Variants in SHANK2 observed in about 807,000 individuals in gnomAD.
SHANK2 encodes the protein SH3 and multiple ankyrin repeat domains 2.
Under a neutral mutation model 133.7 loss-of-function variants are expected in SHANK2, and 43 were observed. The observed-to-expected ratio is 0.32, with a 90% CI of 0.25 to 0.41. The LOEUF is 0.41. Ranked by LOEUF, SHANK2 falls within the 10% of genes least tolerant of loss-of-function variation. The pLI is 1.00. For synonymous variants in SHANK2, 1,017 were observed against 952.8 expected (o/e 1.07, Z -1.24); for missense variants, 1,994 against 2,235.8 (o/e 0.89, Z 2.18).
chr11:70,834,544 T>C (rs1185837623), intron 11 of SHANK2, among the ~76,000 whole-genome samples: 1 of 152,204 alleles, frequency 6.6e-6, no homozygotes, highest in East Asian at 1.9e-4. Context: ...AGCGGGATTC[T>C]TCCTGCCCAT....
At chr11:70,752,107 G>T (rs579818) in intron 14 of SHANK2, among the ~76,000 whole-genome samples, 82,708 of 151,910 alleles carry the variant, frequency 0.54, 22,960 homozygotes, top group African/African-American at 0.66. Context: ...TATTTAAAAA[G>T]TTGACTTCTT....
At chr11:70,512,492 G>A (rs1189406222) in intron 17 of SHANK2, among the ~76,000 whole-genome samples, 1 of 152,108 alleles carries the variant, frequency 6.6e-6, no homozygotes, top group Non-Finnish European at 1.5e-5. Flanking sequence ...ATCTTTTCCT[G>A]TACATTTTGT....
intron 25 of SHANK2, among the ~76,000 whole-genome samples, chr11:70,482,218 G>C: frequency 6.6e-6 from 1 of 152,230 alleles, no homozygotes; most frequent in East Asian, 1.9e-4. Context: ...CCTTGGCCGG[G>C]AGCAAGAAGG....
intron 2 of SHANK2, among the ~76,000 whole-genome samples, chr11:71,208,633 C>A (rs887858065): frequency 3.3e-5 from 5 of 151,950 alleles, no homozygotes; most frequent in African/African-American, 1.2e-4. Context: ...GGGAGACCAA[C>A]GAGCAGTCTC....
At chr11:70,671,327 C>T (rs1944802538) in intron 15 of SHANK2, among the ~76,000 whole-genome samples, 1 of 152,092 alleles carries the variant, frequency 6.6e-6, no homozygotes, top group Non-Finnish European at 1.5e-5. Flanking sequence ...GCTGAGCACC[C>T]CGGTGGAACC....
chr11:70,809,152 C>T (rs1197947003), intron 12 of SHANK2, among the ~76,000 whole-genome samples: 4 of 152,216 alleles, frequency 2.6e-5, no homozygotes, highest in Non-Finnish European at 5.9e-5. Context: ...AAATTCAGGA[C>T]GGCCCTCCCG....
chr11:71,181,691 C>G (rs1953560538), intron 2 of SHANK2, among the ~76,000 whole-genome samples: 1 of 152,112 alleles, frequency 6.6e-6, no homozygotes, highest in Non-Finnish European at 1.5e-5. Flanking sequence ...ACATCCAAGG[C>G]AACCGTGACA....
intron 17 of SHANK2, among the ~76,000 whole-genome samples, chr11:70,572,020 C>T (rs1395620122): frequency 6.6e-6 from 1 of 152,212 alleles, no homozygotes; most frequent in Non-Finnish European, 1.5e-5. Context: ...CCCCAGAGAG[C>T]TCGCTTCCAC....
chr11:70,502,869 T>A lies in SHANK2; in HGVS notation c.2124A>T (p.Gly708=), dbSNP rs782560340. Residue 708 remains glycine, a synonymous_variant, in exon 18 of 26, where the codon GGA becomes GGT. Transcript: ENST00000601538. The part of the protein sequence containing the change: ...HRQVVNMIRQ[G]GNHLVLKVVT... ...CCACCTTAAGGACCAGGTGATTCCC[T>A]CCCTGCCGGATCATGTTCACCACCT... The A allele has an allele frequency of 6.2e-7, 1 of 1,612,880 alleles. No individual in the cohort carries two copies. The highest frequency in any genetic ancestry group is 2.2e-5 in the East Asian group (1 of 44,766).
chr11:70,689,590 A>C (rs1555020472), intron 15 of SHANK2, among the ~76,000 whole-genome samples: 1 of 152,230 alleles, frequency 6.6e-6, no homozygotes, highest in Non-Finnish European at 1.5e-5. Context: ...TGAGAATCAG[A>C]CAGTGCTATA....
chr11:70,802,081 G>A (rs948170541), intron 13 of SHANK2, among the ~76,000 whole-genome samples: 1 of 152,276 alleles, frequency 6.6e-6, no homozygotes, highest in East Asian at 1.9e-4. Context: ...GCAGGTGAAG[G>A]CACTGCACCC....
chr11:70,785,289 G>A (rs1156408155), intron 14 of SHANK2, among the ~76,000 whole-genome samples: 1 of 152,196 alleles, frequency 6.6e-6, no homozygotes, highest in African/African-American at 2.4e-5. Context: ...GAGGAGGCAT[G>A]AGGTTTGCTG....
chr11:70,641,176 A>T (rs1275510260), intron 17 of SHANK2, among the ~76,000 whole-genome samples: 1 of 150,974 alleles, frequency 6.6e-6, no homozygotes, highest in Non-Finnish European at 1.5e-5. Context: ...GCTCACCGCA[A>T]GCTCCACCTC....
In SHANK2 at chr11:71,129,078, C is replaced by T. The variant is rs367720324; in HGVS notation, c.208-10046G>A. 3.0e-4 allele frequency among the ~76,000 whole-genome samples: 46 copies of T among 152,318 alleles called. No homozygotes were observed. The East Asian group carries it at 6.8e-3, about 22-fold the overall frequency. Reference sequence around the variant, plus strand: ...GATTATAGGCATGAGCCACTGTGCCCGGCCATTTCTGTCTTTTTCTTTGCA... The same window carrying T: ...GATTATAGGCATGAGCCACTGTGCCTGGCCATTTCTGTCTTTTTCTTTGCA... On this transcript the variant is annotated intron_variant, in intron 3 of 25. Coordinates refer to ENST00000601538, the MANE Select transcript of SHANK2 (RefSeq NM_012309.5).
intron 17 of SHANK2, among the ~76,000 whole-genome samples, chr11:70,612,890 G>A (rs1361717553): frequency 6.6e-6 from 1 of 152,106 alleles, no homozygotes; most frequent in Non-Finnish European, 1.5e-5. Context: ...TGAGATTCAC[G>A]CGCCTTGATG....
chr11:70,785,032 G>A (rs1373606915), intron 14 of SHANK2, among the ~76,000 whole-genome samples: 1 of 152,236 alleles, frequency 6.6e-6, no homozygotes, highest in Non-Finnish European at 1.5e-5. Flanking sequence ...CATCTGCAGT[G>A]GGTCTCTGGG....
At chr11:70,727,634 C>T (rs1555031001) in intron 14 of SHANK2, among the ~76,000 whole-genome samples, 1 of 152,200 alleles carries the variant, frequency 6.6e-6, no homozygotes, top group African/African-American at 2.4e-5. Context: ...ATGGATGCTG[C>T]TACCCCTGCT....
At chr11:71,155,909 G>A (rs1952899187) in intron 2 of SHANK2, among the ~76,000 whole-genome samples, 1 of 152,212 alleles carries the variant, frequency 6.6e-6, no homozygotes. Context: ...CAGTATTGGA[G>A]ACAGGGCCTT....
chr11:70,844,898 C>A (rs960023646), intron 11 of SHANK2, among the ~76,000 whole-genome samples: 3 of 152,078 alleles, frequency 2.0e-5, no homozygotes, highest in African/African-American at 7.2e-5. Context: ...GACCCAATTT[C>A]TTCTTATGAA....
Sources: gnomAD v4.1 joint callset for allele counts (sites outside exome capture counted in the v4.1 genomes callset) on GRCh38, gnomAD v4.1.1 for gene constraint, MANE v1.5 for transcripts, NCBI Gene and HGNC (gene_info 2026-07-23, HGNC 2026-07-21) for gene names.